The following TC2N variants were observed in gnomAD, a reference collection of about 807,000 sequenced individuals.
TC2N encodes tandem C2 domains nuclear protein.
Under a neutral mutation model 61.9 loss-of-function variants are expected in TC2N, and 51 were observed. That is an observed-to-expected ratio of 0.82 (90% CI 0.66 to 1.04). The LOEUF (loss-of-function observed/expected upper bound fraction) is 1.04. Among genes scored for constraint, TC2N ranks in the 50% least tolerant of loss-of-function variants. TC2N has a pLI of 0.00. For missense variants in TC2N, 556 were observed against 566.7 expected (o/e 0.98, Z 0.19); for synonymous variants, 204 against 192.6 (o/e 1.06, Z -0.49).
At chr14:91,797,960 G>T in intron 7 of TC2N, 59 bp from the exon 8 acceptor site, 4 of 1,121,740 alleles carry the variant, frequency 3.6e-6, no homozygotes, top group Non-Finnish European at 5.3e-6. Context: ...ACAAACATTT[G>T]ATGTATTTCT....
At chr14:91,827,226 C>A (rs148066192) in intron 1 of TC2N, among the ~76,000 whole-genome samples, 1 of 152,190 alleles carries the variant, frequency 6.6e-6, no homozygotes, top group Non-Finnish European at 1.5e-5. Flanking sequence ...TATTGTATTA[C>A]TTTCCTATTG....
At chr14:91,853,562 A>G (rs1023510873) in intron 1 of TC2N, among the ~76,000 whole-genome samples, 1 of 152,128 alleles carries the variant, frequency 6.6e-6, no homozygotes, top group Non-Finnish European at 1.5e-5. Flanking sequence ...TTCTGCATGT[A>G]TCAATTGAAG....
In TC2N at chr14:91,860,465, C is replaced by T. The variant is rs1340556981; in HGVS notation, c.-57+6797G>A. Among the ~76,000 whole-genome samples, 4 of 152,164 alleles carry T rather than the reference C, an allele frequency of 2.6e-5. No homozygotes were observed. The East Asian group carries it at 7.7e-4, about 29-fold the overall frequency. On this transcript the variant is annotated intron_variant, in intron 1 of 11. Transcript: ENST00000435962. ...TAAAAAGGGGATTCAGCATTCAAATCCCCAACTTATTAAACAAGTGAGCTC... is the reference window on the plus strand; with the variant it reads ...TAAAAAGGGGATTCAGCATTCAAATTCCCAACTTATTAAACAAGTGAGCTC...
At chr14:91,798,058 TATA>T (rs1885999047) in intron 7 of TC2N, among the ~76,000 whole-genome samples, 157 bp from the exon 8 acceptor site, 1 of 152,112 alleles carries the variant, frequency 6.6e-6, no homozygotes, top group Admixed American at 6.6e-5. Flanking sequence ...AATTTTGACA[TATA>T]ATATTCTAGA....
intron 1 of TC2N, among the ~76,000 whole-genome samples, chr14:91,835,887 GGGAGCC>G (rs2139902554): frequency 6.6e-6 from 1 of 152,154 alleles, no homozygotes; most frequent in Admixed American, 6.5e-5. Context: ...GCACGGAGCA[GGGAGCC>G]GGGCGCCCGG....
At chr14:91,861,699 G>C (rs1189082709) in intron 1 of TC2N, among the ~76,000 whole-genome samples, 1 of 152,176 alleles carries the variant, frequency 6.6e-6, no homozygotes, top group African/African-American at 2.4e-5. Flanking sequence ...AAGGTGTGTG[G>C]ATCACCTGAG....
At chr14:91,803,412 T>TACACAC (rs755502068) in intron 3 of TC2N, among the ~76,000 whole-genome samples, 17 of 83,016 alleles carry the variant, frequency 2.0e-4, no homozygotes, top group South Asian at 5.1e-4. Context: ...CGTACATACA[T>TACACAC]ACACACACAC....
intron 9 of TC2N, among the ~76,000 whole-genome samples, chr14:91,791,998 A>G (rs1885680259): frequency 6.6e-6 from 1 of 152,086 alleles, no homozygotes; most frequent in Non-Finnish European, 1.5e-5. Context: ...GGGCGCCTGT[A>G]GTCCCAGCTA....
intron 1 of TC2N, among the ~76,000 whole-genome samples, chr14:91,826,075 T>G (rs1443008716): frequency 6.6e-6 from 1 of 152,134 alleles, no homozygotes; most frequent in Non-Finnish European, 1.5e-5. Flanking sequence ...CCCAGTATTT[T>G]GTGGGGGCCG....
chr14:91,853,370 A>G (rs1261693129), intron 1 of TC2N, among the ~76,000 whole-genome samples: 1 of 152,096 alleles, frequency 6.6e-6, no homozygotes, highest in East Asian at 1.9e-4. Context: ...ATGAGGGTTA[A>G]ATGATATATA....
intron 1 of TC2N, among the ~76,000 whole-genome samples, chr14:91,840,703 G>C (rs1369072217): frequency 1.3e-5 from 2 of 152,212 alleles, no homozygotes; most frequent in African/African-American, 4.8e-5. Context: ...GTCTTGAATA[G>C]CTTACTAAGG....
chr14:91,864,906 G>A (rs1426056020), intron 1 of TC2N, among the ~76,000 whole-genome samples: 1 of 150,556 alleles, frequency 6.6e-6, no homozygotes, highest in Non-Finnish European at 1.5e-5. Context: ...CTCAGTCTCT[G>A]AGTAGCTGGG....
chr14:91,784,488 T>C (rs1885268549), intron 11 of TC2N, among the ~76,000 whole-genome samples: 2 of 152,152 alleles, frequency 1.3e-5, no homozygotes, highest in Admixed American at 6.5e-5. Flanking sequence ...TCTTGTCAAG[T>C]TGAAGCTTTT....
At chr14:91,855,915 G>A (rs1459425693) in intron 1 of TC2N, among the ~76,000 whole-genome samples, 1 of 152,112 alleles carries the variant, frequency 6.6e-6, no homozygotes, top group Non-Finnish European at 1.5e-5. Context: ...TAGAAGTGTG[G>A]GAAGACTTTG....
At chr14:91,855,491 G>A (rs1312182536) in intron 1 of TC2N, among the ~76,000 whole-genome samples, 1 of 152,152 alleles carries the variant, frequency 6.6e-6, no homozygotes, top group African/African-American at 2.4e-5. Flanking sequence ...ATCTTTGTGT[G>A]GCCGCCCTCT....
chr14:91,843,085 A>G (rs1165674312), intron 1 of TC2N, among the ~76,000 whole-genome samples: 1 of 152,008 alleles, frequency 6.6e-6, no homozygotes, highest in Non-Finnish European at 1.5e-5. Context: ...TTGTACTTCT[A>G]CCAATGCTAG....
chr14:91,864,065 C>T (rs1344192155), intron 1 of TC2N, among the ~76,000 whole-genome samples: 1 of 152,100 alleles, frequency 6.6e-6, no homozygotes, highest in African/African-American at 2.4e-5. Context: ...TCAGTTCTCC[C>T]TTACCTGAGG....
At chr14:91,854,396 TGAGGAGGAG>T (rs1266755945) in intron 1 of TC2N, among the ~76,000 whole-genome samples, 2 of 112,200 alleles carry the variant, frequency 1.8e-5, no homozygotes, top group African/African-American at 3.5e-5. Flanking sequence ...ACACATAAGA[TGAGGAGGAG>T]GAGGAGGAGG....
intron 1 of TC2N, among the ~76,000 whole-genome samples, chr14:91,824,008 T>C (rs1285032596): frequency 6.6e-6 from 1 of 152,212 alleles, no homozygotes; most frequent in Non-Finnish European, 1.5e-5. Context: ...ATGTTTGCTG[T>C]CATCAGCGGC....
Sources: allele counts gnomAD v4.1 joint callset (sites outside exome capture counted in the v4.1 genomes callset), GRCh38; gene constraint gnomAD v4.1.1; transcripts MANE v1.5; gene names NCBI Gene and HGNC (gene_info 2026-07-23, HGNC 2026-07-21).